KIF26A: variants seen among roughly 807,000 people sequenced by gnomAD.
The protein encoded by KIF26A is kinesin-like protein KIF26A.
KIF26A carries 74 observed loss-of-function variants against 126.0 expected under a neutral mutation model. The observed-to-expected ratio is 0.59, with a 90% CI of 0.49 to 0.71. The LOEUF is 0.71. Among genes scored for constraint, KIF26A ranks in the 30% least tolerant of loss-of-function variants. The pLI, the probability that KIF26A is intolerant of heterozygous loss-of-function variation, is 0.00. For synonymous variants in KIF26A, 1,445 were observed against 1,232.7 expected (o/e 1.17, Z -3.61); for missense variants, 2,984 against 2,763.3 (o/e 1.08, Z -1.79).
Position 104,177,534 on chromosome 14 carries a change from G to C in KIF26A, c.4746G>C (p.Ser1582=), listed in dbSNP as rs544931549. 310 of 1,536,980 alleles carry C rather than the reference G, an allele frequency of 2.0e-4. 5 individuals are homozygous for C. The South Asian group carries it at 3.5e-3, about 17-fold the overall frequency. ...GAGCCCCGGGCCGAGGTGGCTCCTC[G>C]TGGGGCTCGGCGGACTCAGACAGCG... The part of the protein sequence containing the change: ...ASGAPGRGGS[S]WGSADSDSGH... Residue 1582 remains serine (S), a synonymous_variant, in exon 12 of 15, where the codon TCG becomes TCC. Transcript: ENST00000423312.
At chr14:104,171,960 C>T (rs1366299771) in intron 6 of KIF26A, 25 bp downstream of exon 6, 20 of 1,542,300 alleles carry the variant, frequency 1.3e-5, no homozygotes, top group Non-Finnish European at 1.8e-5. Context: ...ACTGGGCGTC[C>T]TCCCGGAGAC....
At chr14:104,145,362 C>T (rs1342645098) in intron 2 of KIF26A, among the ~76,000 whole-genome samples, 4 of 152,202 alleles carry the variant, frequency 2.6e-5, no homozygotes, top group Admixed American at 6.5e-5. Context: ...CACTGTGCTC[C>T]GTGGAGACTC....
intron 7 of KIF26A, 132 bp from the exon 8 acceptor site, chr14:104,172,845 G>T: frequency 2.3e-6 from 3 of 1,299,554 alleles, no homozygotes; most frequent in Non-Finnish European, 3.1e-6. Context: ...GAACTGAAAG[G>T]CAGAGGGCTT....
In KIF26A at chr14:104,175,254, C is replaced by A; in HGVS notation, c.2466C>A (p.Ser822Arg). 1 of 1,607,364 alleles carries A rather than the reference C, an allele frequency of 6.2e-7. No homozygotes were observed. Among genetic ancestry groups the A allele is most frequent in the Non-Finnish European group, 8.5e-7 (1 of 1,179,598 alleles). Residue 822 changes from serine (S) to arginine (R), a missense_variant, in exon 12 of 15, where the codon AGC (serine) becomes AGA (arginine). By Grantham distance (110) the Ser-to-Arg change is moderately radical. Coordinates refer to ENST00000423312, the MANE Select transcript of KIF26A (RefSeq NM_015656.2). The part of the protein sequence containing the change: ...PDFVPIIPAL[S>R]RHRPSKGPRD... The stretch of plus-strand genomic sequence containing the variant: ...TCGTGCCCATCATCCCTGCCCTGAG[C>A]CGCCACCGGCCCTCCAAGGGTCCCC...
In KIF26A at chr14:104,178,562, G is replaced by A. The variant is rs775597332; in HGVS notation, c.5123G>A (p.Arg1708Gln). The change falls in exon 13 of 15, where the codon CGG (arginine) becomes CAG (glutamine). Residue 1708 changes from arginine to glutamine, a missense_variant. Physicochemically the swap from Arg to Gln is conservative, Grantham distance 43. Transcript: ENST00000423312. ...CTCTCCGTTCCAGGTCTGCAGCGGC[G>A]GCGCCTGATTCCCGCCCCACTGCCC... ...PKKRATGLQRRRLIPAPLPDT... is the reference protein window; with the variant it reads ...PKKRATGLQRQRLIPAPLPDT... 5.4e-6 allele frequency: 8 copies of A among 1,472,106 alleles called. No homozygotes were observed. Among genetic ancestry groups the A allele is most frequent in the East Asian group, 2.6e-5 (1 of 38,968 alleles). 91.2% of individuals were successfully genotyped at this position (1,472,106 alleles called of 1,614,324 possible).
rs779312804 is a variant in KIF26A at position 104,176,746 on chromosome 14, G to A, written c.3958G>A (p.Val1320Met). Reference protein sequence around the residue: ...ATTLGVTTPAVSWGDAPTEVV... With the variant: ...ATTLGVTTPAMSWGDAPTEVV... Reference sequence around the variant, plus strand: ...CACGCTGGGTGTGACAACGCCAGCTGTGTCCTGGGGAGATGCTCCCACGGA... The same window carrying A: ...CACGCTGGGTGTGACAACGCCAGCTATGTCCTGGGGAGATGCTCCCACGGA... Residue 1320 changes from valine (V) to methionine (M), a missense_variant, in exon 12 of 15, where the codon GTG becomes ATG. Physicochemically the swap from Val to Met is conservative, Grantham distance 21. Transcript: ENST00000423312. 1.3e-6 allele frequency: 2 copies of A among 1,586,146 alleles called. No homozygotes were observed. Among genetic ancestry groups the A allele is most frequent in the African/African-American group, 1.3e-5 (1 of 74,460 alleles).
At chr14:104,139,975 A>G (rs2037622025) in intron 2 of KIF26A, among the ~76,000 whole-genome samples, 1 of 152,052 alleles carries the variant, frequency 6.6e-6, no homozygotes, top group Non-Finnish European at 1.5e-5. Context: ...GGGAGCAGGG[A>G]CCATTGTTCC....
chr14:104,177,011 C>T lies in KIF26A; in HGVS notation c.4223C>T (p.Ala1408Val), dbSNP rs750071371. 3.9e-6 allele frequency: 6 copies of T among 1,555,930 alleles called. No homozygotes were observed. The African/African-American group carries it at 6.8e-5, about 18-fold the overall frequency. Residue 1408 changes from alanine to valine, a missense_variant, in exon 12 of 15, where the codon GCT becomes GTT. Transcript: ENST00000423312. ...GEEEPRPSSR[A>V]DHSVPRATSS... ...GAGGAGCCCAGACCCAGCAGCCGGG[C>T]TGACCACTCTGTCCCCAGGGCCACG...
At position 104,177,240 on chromosome 14, in the gene KIF26A, A is replaced by G; in HGVS notation, c.4452A>G (p.Ala1484=). 1 of 1,597,416 alleles carries G rather than the reference A, an allele frequency of 6.3e-7. No homozygotes were observed. Among genetic ancestry groups the G allele is most frequent in the Non-Finnish European group, 8.5e-7 (1 of 1,175,764 alleles). Residue 1484 remains alanine (A), a synonymous_variant, in exon 12 of 15, where the codon GCA becomes GCG. Transcript: ENST00000423312. Reference sequence around the variant, plus strand: ...CAGCTCCCGCCTGTAGGAGCGGCGCAGCCAAGGCTGTGGGGGCCCCCAAGC... The same window carrying G: ...CAGCTCCCGCCTGTAGGAGCGGCGCGGCCAAGGCTGTGGGGGCCCCCAAGC... ...HGPAPACRSG[A]AKAVGAPKPP...
In KIF26A at chr14:104,177,399, C is replaced by T. The variant is rs898038598; in HGVS notation, c.4611C>T (p.Ala1537=). Residue 1537 remains alanine, a synonymous_variant, in exon 12 of 15, where the codon GCC becomes GCT. Transcript: ENST00000423312. ...GCCCTGTGGCCGGTCCCAGAGCAGCCCCACGGGCCGGGCCCAGTGTCGGGG... is the reference window on the plus strand; with the variant it reads ...GCCCTGTGGCCGGTCCCAGAGCAGCTCCACGGGCCGGGCCCAGTGTCGGGG... The part of the protein sequence containing the change: ...PGGPVAGPRA[A]PRAGPSVGAK... 1 of 1,493,764 alleles carries T rather than the reference C, an allele frequency of 6.7e-7. No individual in the cohort carries two copies. Among genetic ancestry groups the T allele is most frequent in the South Asian group, 1.3e-5 (1 of 76,342 alleles). 92.5% of individuals were successfully genotyped at this position (1,493,764 alleles called of 1,614,324 possible). A position where few individuals can be genotyped will look rare whatever the true frequency, so the allele number is the denominator to read the frequency against.
intron 3 of KIF26A, among the ~76,000 whole-genome samples, chr14:104,155,730 A>G (rs1374434397): frequency 6.6e-6 from 1 of 151,944 alleles, no homozygotes; most frequent in African/African-American, 2.4e-5. Context: ...CGCGTGCCGG[A>G]CTCCTGAGAC....
At position 104,148,895 on chromosome 14, in the gene KIF26A, G is replaced by A. The variant is rs1176910508; in HGVS notation, c.289-3120G>A. Among the ~76,000 whole-genome samples, 2 of 152,160 alleles carry A rather than the reference G, an allele frequency of 1.3e-5. No individual in the cohort carries two copies. Among genetic ancestry groups the A allele is most frequent in the Admixed American group, 6.5e-5 (1 of 15,284 alleles). ...GGTCCCGTGTGCTGAGTGGGGTGCC[G>A]AGTTCTCCTCTTGTCTTAGCTGGAC... On this transcript the variant is annotated intron_variant, in intron 2 of 14. Coordinates refer to ENST00000423312, the MANE Select transcript of KIF26A (RefSeq NM_015656.2). The surrounding 1 kb of genome is among the most constrained non-coding windows in gnomAD (Gnocchi z 4.3).
intron 13 of KIF26A, 92 bp downstream of exon 13, chr14:104,178,847 C>T (rs2038067157): frequency 4.0e-6 from 3 of 745,906 alleles, no homozygotes; most frequent in Non-Finnish European, 6.3e-6. Flanking sequence ...CGCCAGGCCT[C>T]TGGGGGTGTG....
chr14:104,174,991 A>G lies in KIF26A; in HGVS notation c.2203A>G (p.Ser735Gly), dbSNP rs1342038375. The G allele has an allele frequency of 6.5e-7, 1 of 1,543,882 alleles. No homozygotes were observed. The highest frequency in any genetic ancestry group is 1.2e-5 in the South Asian group (1 of 84,566). ...ACTTTTCTTCCCCCAGTACGCCTCCAGCTCCTCTGGCGGGGAGAGCTCCTG... is the reference window on the plus strand; with the variant it reads ...ACTTTTCTTCCCCCAGTACGCCTCCGGCTCCTCTGGCGGGGAGAGCTCCTG... The part of the protein sequence containing the change: ...LRRKKAKYAS[S>G]SSGGESSCEE... Residue 735 changes from serine to glycine, a missense_variant, in exon 12 of 15, where the codon AGC (serine) becomes GGC (glycine). Ser to Gly is a moderately conservative substitution (Grantham distance 56). Transcript: ENST00000423312.
intron 10 of KIF26A, 106 bp downstream of exon 10, chr14:104,173,974 C>T (rs1377637975): frequency 7.0e-7 from 1 of 1,435,500 alleles, no homozygotes; most frequent in Non-Finnish European, 9.3e-7. Context: ...CTCCTCAGGG[C>T]TTTGCTCCTC....
chr14:104,159,218 G>T (rs1470798040), intron 4 of KIF26A, among the ~76,000 whole-genome samples: 2 of 152,222 alleles, frequency 1.3e-5, no homozygotes, highest in Non-Finnish European at 1.5e-5. Flanking sequence ...GCAGATGGGG[G>T]TCTTGCCCAT....
At chr14:104,161,973 C>T (rs1278022894) in intron 4 of KIF26A, among the ~76,000 whole-genome samples, 1 of 152,236 alleles carries the variant, frequency 6.6e-6, no homozygotes, top group Admixed American at 6.5e-5. Flanking sequence ...ACAAACCCCA[C>T]TGCTCAGAAA....
rs560694085 is a variant in KIF26A at position 104,157,812 on chromosome 14, G to A, written c.793G>A (p.Val265Met). The part of the protein sequence containing the change: ...VADTVRECPP[V>M]AGPDGLSKAW... ...AGACACGGTCCGAGAATGCCCCCCCGTGGCCGGCCCTGATGGCTTGTCGAA... is the reference window on the plus strand; with the variant it reads ...AGACACGGTCCGAGAATGCCCCCCCATGGCCGGCCCTGATGGCTTGTCGAA... The change falls in exon 4 of 15, where the codon GTG (valine) becomes ATG (methionine). Residue 265 changes from valine (V) to methionine (M), a missense_variant. Val to Met is a conservative substitution (Grantham distance 21, BLOSUM62 1). Transcript: ENST00000423312. 8.4e-5 allele frequency: 135 copies of A among 1,609,738 alleles called. 1 individual carries two copies. Among genetic ancestry groups the A allele is most frequent in the Middle Eastern group, 5.0e-4 (3 of 6,046 alleles).
intron 4 of KIF26A, among the ~76,000 whole-genome samples, chr14:104,159,004 A>G (rs1387738098): frequency 2.6e-5 from 4 of 152,320 alleles, no homozygotes; most frequent in South Asian, 2.1e-4. Context: ...GCGTCTTATC[A>G]GCGCCGGCCC....
Sources: gnomAD v4.1 joint callset for allele counts (sites outside exome capture counted in the v4.1 genomes callset) on GRCh38, gnomAD v4.1.1 for gene constraint, Gnocchi (gnomAD v3.1) non-coding constraint, MANE v1.5 for transcripts, NCBI Gene and HGNC (gene_info 2026-07-23, HGNC 2026-07-21) for gene names.